Variants in GNE observed in about 807,000 individuals in gnomAD.
The protein encoded by GNE is bifunctional UDP-N-acetylglucosamine 2-epimerase/N-acetylmannosamine kinase.
In GNE, 41 loss-of-function variants were observed where a neutral mutation model predicts 61.8. That is an observed-to-expected ratio of 0.66 (90% CI 0.52 to 0.86). The LOEUF (loss-of-function observed/expected upper bound fraction) is 0.86, where lower values mean the gene tolerates loss of function less well. GNE is among the 40% of genes least tolerant of loss of function. The pLI is 0.00. For missense variants in GNE, 608 were observed against 909.1 expected (o/e 0.67, Z 4.26); for synonymous variants, 264 against 326.4 (o/e 0.81, Z 2.06).
chr9:36,258,680 G>A (rs1353233514), upstream of GNE, among the ~76,000 whole-genome samples: 1 of 152,244 alleles, frequency 6.6e-6, no homozygotes, highest in Admixed American at 6.5e-5. Flanking sequence ...TGTCCTGCCA[G>A]CTTGTGCTCC....
intron 10 of GNE, 72 bp downstream of exon 10, chr9:36,219,766 T>A: frequency 1.5e-6 from 2 of 1,341,544 alleles, no homozygotes; most frequent in Non-Finnish European, 2.1e-6. Context: ...TGTTCAGCTG[T>A]CTTTGGAATT....
At position 36,218,087 on chromosome 9, in the gene GNE, TC is replaced by T; in HGVS notation, c.1933+95del. The T allele has an allele frequency of 1.2e-5, 10 of 832,348 alleles. No individual in the cohort carries two copies. The highest frequency in any genetic ancestry group is 1.1e-4 in the South Asian group (8 of 74,972). The allele number at this position is 832,348 out of a possible 1,614,324, so 51.6% of individuals were successfully genotyped here. A position where few individuals can be genotyped will look rare whatever the true frequency, so the allele number is the denominator to read the frequency against. On this transcript the variant is annotated intron_variant, in intron 11 of 11. Coordinates refer to ENST00000642385, the MANE Select transcript of GNE (RefSeq NM_005476.7). The surrounding 1 kb of genome is among the most constrained non-coding windows in gnomAD (Gnocchi z 4.1). Reference sequence around the variant, plus strand: ...CTGAACAGACACTGCAAAGCACCTGTCCCTAGGGAAGCAGGGTCTCTTCTGG... The same window carrying T: ...CTGAACAGACACTGCAAAGCACCTGTCCTAGGGAAGCAGGGTCTCTTCTGG...
intron 1 of GNE, among the ~76,000 whole-genome samples, chr9:36,255,808 A>C (rs1830304502): frequency 6.6e-6 from 1 of 152,198 alleles, no homozygotes; most frequent in Non-Finnish European, 1.5e-5. Flanking sequence ...GAAAGACAGA[A>C]AAACAAATAA....
rs984885025 is a variant in GNE, at chr9:36,218,789, C to A, written c.1817-490G>T. Among the ~76,000 whole-genome samples the A allele has an allele frequency of 6.6e-6, 1 of 152,246 alleles. No individual in the cohort carries two copies. Among genetic ancestry groups the A allele is most frequent in the Non-Finnish European group, 1.5e-5 (1 of 68,056 alleles). ...CTGCATGACCCCATGCCTGTCACCT[C>A]ACCTGTACACATTCCTCCTTCCTAG... On this transcript the variant is annotated intron_variant, in intron 10 of 11. Transcript: ENST00000642385. This position sits in a 1 kb window ranked among gnomAD's most constrained non-coding sequence, Gnocchi z 4.1.
chr9:36,220,265 T>G (rs982818501), intron 9 of GNE, among the ~76,000 whole-genome samples: 1 of 152,188 alleles, frequency 6.6e-6, no homozygotes, highest in African/African-American at 2.4e-5. Flanking sequence ...AACACAGCTG[T>G]GGGGACAGTG....
chr9:36,223,532 A>G, intron 7 of GNE, 30 bp from the exon 8 acceptor site: 1 of 1,585,268 alleles, frequency 6.3e-7, no homozygotes, highest in Non-Finnish European at 8.7e-7. Flanking sequence ...GTTCCGTCTT[A>G]CTGGTCTTAG....
intron 1 of GNE, among the ~76,000 whole-genome samples, chr9:36,254,495 G>A (rs760751137): frequency 1.3e-5 from 2 of 152,078 alleles, no homozygotes; most frequent in African/African-American, 2.4e-5. Context: ...TCATGCCACC[G>A]CACTCCAGCC....
At chr9:36,258,841 T>G (rs183350062), upstream of GNE, among the ~76,000 whole-genome samples, 3 of 152,314 alleles carry the variant, frequency 2.0e-5, no homozygotes, top group African/African-American at 7.2e-5. Flanking sequence ...AACTATACTG[T>G]CGTGTAGCGC....
chr9:36,238,075 C>T (rs575862787), intron 3 of GNE, among the ~76,000 whole-genome samples: 1 of 151,756 alleles, frequency 6.6e-6, no homozygotes, highest in South Asian at 2.1e-4. Context: ...TATAGATACA[C>T]ACACACACAT....
At chr9:36,264,024 G>C (rs1830689869) in intron 1 of GNE, among the ~76,000 whole-genome samples, 1 of 152,202 alleles carries the variant, frequency 6.6e-6, no homozygotes, top group Non-Finnish European at 1.5e-5. Context: ...AGGTAGCACA[G>C]GGAGGCCATA....
At chr9:36,249,867 G>C (rs1401745900) in intron 1 of GNE, among the ~76,000 whole-genome samples, 1 of 150,866 alleles carries the variant, frequency 6.6e-6, no homozygotes, top group Admixed American at 6.6e-5. Flanking sequence ...CTGGGTGACA[G>C]AGCGAGACTC....
chr9:36,268,263 C>G (rs1169074455), intron 1 of GNE, among the ~76,000 whole-genome samples: 1 of 152,188 alleles, frequency 6.6e-6, no homozygotes, highest in Non-Finnish European at 1.5e-5. Flanking sequence ...TAAATTGGCA[C>G]AGCCATTCCA....
At position 36,216,327 on chromosome 9, in the gene GNE, A is replaced by ATGTGTGTGTGCGTGTGTG; in HGVS notation, c.*1037_*1038insCACACACGCACACACACA. ...TTAGTTTGGGGTTAGAGGAGGAAGGATGTGTGTGTGTGTGTGTGTGTGTGT... is the reference window on the plus strand; with the variant it reads ...TTAGTTTGGGGTTAGAGGAGGAAGGATGTGTGTGTGCGTGTGTGTGTGTGTGTGTGTGTGTGTGTGTGT... On this transcript the variant is annotated 3_prime_UTR_variant, in exon 12 of 12. Transcript: ENST00000642385. 1 of 355,724 alleles carries ATGTGTGTGTGCGTGTGTG rather than the reference A, an allele frequency of 2.8e-6. No individual in the cohort carries two copies. The highest frequency in any genetic ancestry group is 5.8e-6 in the Non-Finnish European group (1 of 171,796). 22.0% of individuals were successfully genotyped at this position (355,724 alleles called of 1,614,324 possible). A position where few individuals can be genotyped will look rare whatever the true frequency, so the allele number is the denominator to read the frequency against.
intron 1 of GNE, among the ~76,000 whole-genome samples, chr9:36,269,660 C>CTTTTT: frequency 1.1e-5 from 1 of 92,128 alleles, no homozygotes; most frequent in Non-Finnish European, 2.3e-5. Context: ...TTTCTTTCTT[C>CTTTTT]TTTCTTTTTT....
At position 36,222,856 on chromosome 9, in the gene GNE, G is replaced by C; in HGVS notation, c.1554C>G (p.Gly518=). 1 of 1,614,112 alleles carries C rather than the reference G, an allele frequency of 6.2e-7. No homozygotes were observed. The highest frequency in any genetic ancestry group is 8.5e-7 in the Non-Finnish European group (1 of 1,180,000). ...TCCTTTCCGCCAGGGCAGCACAGTT[G>C]CCATCATTGTCTACCCACACAGGGA... is the stretch of plus-strand genomic sequence containing the variant. ...LHLPVWVDND[G]NCAALAERKF... Residue 518 remains glycine, a synonymous_variant, in exon 9 of 12, where the codon GGC becomes GGG. Transcript: ENST00000642385.
chr9:36,239,358 A>G (rs1829537847), intron 3 of GNE, among the ~76,000 whole-genome samples: 1 of 152,140 alleles, frequency 6.6e-6, no homozygotes, highest in Admixed American at 6.5e-5. Flanking sequence ...CTACCCATCC[A>G]TGAGTATGGG....
At chr9:36,274,062 A>G (rs527537486) in intron 1 of GNE, among the ~76,000 whole-genome samples, 7 of 146,652 alleles carry the variant, frequency 4.8e-5, no homozygotes, top group South Asian at 2.2e-4. Context: ...GCTTCGGTCT[A>G]TGGTACTGTG....
intron 3 of GNE, among the ~76,000 whole-genome samples, chr9:36,242,641 A>ATCTC (rs1829686425): frequency 6.6e-6 from 1 of 150,634 alleles, no homozygotes; most frequent in South Asian, 2.1e-4. Context: ...GATGGTCTCA[A>ATCTC]TCTCTTGACC....
intron 1 of GNE, among the ~76,000 whole-genome samples, chr9:36,256,982 G>A (rs528868169): frequency 2.6e-5 from 4 of 152,234 alleles, no homozygotes; most frequent in East Asian, 3.9e-4. Context: ...CGAGATGGGC[G>A]GATCACTTGA....
Sources: allele counts gnomAD v4.1 joint callset (sites outside exome capture counted in the v4.1 genomes callset), GRCh38; gene constraint gnomAD v4.1.1; non-coding constraint Gnocchi (gnomAD v3.1); transcripts MANE v1.5; gene names NCBI Gene and HGNC (gene_info 2026-07-23, HGNC 2026-07-21).